The following FSTL4 variants were observed in gnomAD, a reference collection of about 807,000 sequenced individuals.
FSTL4 encodes the protein follistatin-related protein 4.
In FSTL4, 28 loss-of-function variants were observed where a neutral mutation model predicts 78.2. The observed-to-expected ratio is 0.36, with a 90% CI of 0.27 to 0.49. The LOEUF (loss-of-function observed/expected upper bound fraction) is 0.49, where lower values mean the gene tolerates loss of function less well. FSTL4 is among the 20% of genes least tolerant of loss of function. FSTL4 has a pLI of 0.98. For missense variants in FSTL4, 922 were observed against 1,084.9 expected (o/e 0.85, Z 2.11); for synonymous variants, 422 against 440.5 (o/e 0.96, Z 0.53).
At chr5:133,557,693 G>A (rs1262670391) in intron 3 of FSTL4, among the ~76,000 whole-genome samples, 1 of 152,174 alleles carries the variant, frequency 6.6e-6, no homozygotes, top group Non-Finnish European at 1.5e-5. Flanking sequence ...ACCATGAAGG[G>A]GAACCCCCAG....
At chr5:133,822,140 C>A in the FSTL4 span, among the ~76,000 whole-genome samples, 52 of 152,176 alleles carry the variant, frequency 3.4e-4, no homozygotes, top group African/African-American at 1.2e-3. Context: ...CTCCTCGCCC[C>A]CTGGACCCTG....
the FSTL4 span, among the ~76,000 whole-genome samples, chr5:133,623,349 T>G: frequency 2.0e-5 from 3 of 152,096 alleles, no homozygotes; most frequent in African/African-American, 4.8e-5. Flanking sequence ...GAAATACACA[T>G]CTATGGCCAA....
At chr5:133,760,983 C>A in the FSTL4 span, among the ~76,000 whole-genome samples, 1 of 152,104 alleles carries the variant, frequency 6.6e-6, no homozygotes, top group Non-Finnish European at 1.5e-5. Context: ...CCCAGCATGG[C>A]GGAAGCTCCT....
At chr5:133,281,814 C>T (rs758386283) in intron 6 of FSTL4, among the ~76,000 whole-genome samples, 10 of 152,108 alleles carry the variant, frequency 6.6e-5, no homozygotes, top group African/African-American at 2.4e-4. Flanking sequence ...TGGGTTGGGT[C>T]TCAAAGGAGC....
intron 3 of FSTL4, among the ~76,000 whole-genome samples, chr5:133,443,541 G>A (rs139458840): frequency 1.0e-3 from 157 of 152,306 alleles, no homozygotes; most frequent in East Asian, 4.8e-3. Context: ...TTTACCTAAC[G>A]TGGCTGCTTT....
intron 3 of FSTL4, among the ~76,000 whole-genome samples, chr5:133,516,548 G>A (rs1277166408): frequency 6.6e-6 from 1 of 152,144 alleles, no homozygotes; most frequent in African/African-American, 2.4e-5. Flanking sequence ...GGAAAATTCA[G>A]GATTGTAAAG....
At chr5:133,328,803 C>T (rs1754274750) in intron 4 of FSTL4, among the ~76,000 whole-genome samples, 1 of 152,176 alleles carries the variant, frequency 6.6e-6, no homozygotes, top group Admixed American at 6.5e-5. Context: ...TGGGTGCCTT[C>T]TCCACCTCCT....
At chr5:133,352,295 C>T (rs201554344) in intron 4 of FSTL4, among the ~76,000 whole-genome samples, 25,068 of 115,988 alleles carry the variant, frequency 0.22, 2,554 homozygotes, top group East Asian at 0.38. Context: ...CATATATATA[C>T]ACACACATAT....
chr5:133,243,642 C>T (rs1047706343), intron 7 of FSTL4: 3 of 152,274 alleles, frequency 2.0e-5, no homozygotes, highest in Non-Finnish European at 2.9e-5. Flanking sequence ...GGCAAGTTCT[C>T]CACTCATCTG....
chr5:133,767,531 C>A, the FSTL4 span, among the ~76,000 whole-genome samples: 1 of 152,134 alleles, frequency 6.6e-6, no homozygotes, highest in African/African-American at 2.4e-5. Flanking sequence ...GGTCTATAGG[C>A]AATGGGAACC....
chr5:133,451,961 G>A (rs1427872141), intron 3 of FSTL4, among the ~76,000 whole-genome samples: 1 of 152,242 alleles, frequency 6.6e-6, no homozygotes, highest in Non-Finnish European at 1.5e-5. Context: ...CTGTCTGCCT[G>A]CCTCCTAATG....
At chr5:133,738,389 C>T in the FSTL4 span, among the ~76,000 whole-genome samples, 1 of 151,404 alleles carries the variant, frequency 6.6e-6, no homozygotes, top group Admixed American at 6.6e-5. Context: ...TAGAGCAGGA[C>T]GTGGTCTGAG....
intron 6 of FSTL4, among the ~76,000 whole-genome samples, chr5:133,251,573 G>A (rs1752240602): frequency 6.6e-6 from 1 of 151,834 alleles, no homozygotes; most frequent in Non-Finnish European, 1.5e-5. Context: ...ACCATCTCCT[G>A]TCTTACCCCT....
intron 6 of FSTL4, among the ~76,000 whole-genome samples, chr5:133,285,376 G>A (rs1488680344): frequency 6.6e-6 from 1 of 152,216 alleles, no homozygotes; most frequent in Non-Finnish European, 1.5e-5. Flanking sequence ...TACAGCTCAA[G>A]TGAGGTTCAG....
Position 133,565,307 on chromosome 5 carries a change from G to A in FSTL4, c.160+1879C>T, listed in dbSNP as rs111761970. 5.1e-3 allele frequency among the ~76,000 whole-genome samples: 772 copies of A among 152,268 alleles called. 4 individuals are homozygous for A. Among genetic ancestry groups the A allele is most frequent in the African/African-American group, 0.017 (695 of 41,550 alleles). ...TATACTTGTACACTGTTCTGGAGAA[G>A]ATTAACAACCCCACAACCCAAGTCA... On this transcript the variant is annotated intron_variant, in intron 3 of 15. Coordinates refer to ENST00000265342, the MANE Select transcript of FSTL4 (RefSeq NM_015082.2).
rs930942209 is a variant in FSTL4, at chr5:133,611,744, G to A, written c.-11+581C>T. ...CCAGCCTCACATGCGGCGGACCCCG[G>A]GGAAGCCAGGGCCAGGCGAAGCGCA... On this transcript the variant is annotated intron_variant, in intron 1 of 15. Coordinates refer to ENST00000265342, the MANE Select transcript of FSTL4 (RefSeq NM_015082.2). This position sits in a 1 kb window ranked among gnomAD's most constrained non-coding sequence, Gnocchi z 4.9. Among the ~76,000 whole-genome samples the A allele has an allele frequency of 6.6e-6, 1 of 152,184 alleles. No individual in the cohort carries two copies. The highest frequency in any genetic ancestry group is 2.4e-5 in the African/African-American group (1 of 41,470).
chr5:133,286,080 T>C (rs1036464965), intron 6 of FSTL4, among the ~76,000 whole-genome samples: 2 of 152,206 alleles, frequency 1.3e-5, no homozygotes, highest in African/African-American at 4.8e-5. Context: ...GTGTGTGACA[T>C]GGTCACGACA....
the FSTL4 span, among the ~76,000 whole-genome samples, chr5:133,665,460 T>A: frequency 6.6e-6 from 1 of 152,176 alleles, no homozygotes; most frequent in Non-Finnish European, 1.5e-5. Flanking sequence ...AGATCCTAAC[T>A]GCAAGAGTAA....
chr5:133,232,435 T>G (rs1037273071), intron 8 of FSTL4, among the ~76,000 whole-genome samples: 1 of 152,142 alleles, frequency 6.6e-6, no homozygotes, highest in Non-Finnish European at 1.5e-5. Context: ...AACTGTATAA[T>G]GGGAAGGAGG....
Sources: allele counts gnomAD v4.1 joint callset (sites outside exome capture counted in the v4.1 genomes callset), GRCh38; gene constraint gnomAD v4.1.1; non-coding constraint Gnocchi (gnomAD v3.1); transcripts MANE v1.5; gene names NCBI Gene and HGNC (gene_info 2026-07-23, HGNC 2026-07-21).